Variants in TUSC3 observed in about 807,000 individuals in gnomAD.
TUSC3 encodes dolichyl-diphosphooligosaccharide--protein glycosyltransferase subunit TUSC3.
In TUSC3, 45 loss-of-function variants were observed where a neutral mutation model predicts 44.8. The observed-to-expected ratio is 1.00, with a 90% CI of 0.79 to 1.29. The LOEUF (loss-of-function observed/expected upper bound fraction) is 1.29. TUSC3 is among the 50% of genes most tolerant of loss of function. The pLI, the probability that TUSC3 is intolerant of heterozygous loss-of-function variation, is 0.00. For missense variants in TUSC3, 519 were observed against 437.9 expected (o/e 1.19, Z -1.65); for synonymous variants, 212 against 152.9 (o/e 1.39, Z -2.85).
intron 6 of TUSC3, among the ~76,000 whole-genome samples, chr8:15,710,082 T>C (rs932902302): frequency 2.0e-5 from 3 of 151,820 alleles, no homozygotes; most frequent in African/African-American, 4.8e-5. Flanking sequence ...TTTACCTTAG[T>C]GCGCTCCCCT....
intron 1 of TUSC3, among the ~76,000 whole-genome samples, chr8:15,570,638 A>G (rs1195631930): frequency 6.6e-6 from 1 of 152,122 alleles, no homozygotes; most frequent in Non-Finnish European, 1.5e-5. Context: ...TTTTACATGT[A>G]TTATTTCATT....
At chr8:15,783,044 A>G in the TUSC3 span, among the ~76,000 whole-genome samples, 15 of 152,346 alleles carry the variant, frequency 9.8e-5, no homozygotes, top group East Asian at 2.9e-3. Flanking sequence ...TACAAAAATC[A>G]CCATTTCCAT....
chr8:15,431,437 C>T (rs1799872870), intron 1 of TUSC3, among the ~76,000 whole-genome samples: 1 of 151,574 alleles, frequency 6.6e-6, no homozygotes, highest in African/African-American at 2.4e-5. Flanking sequence ...TTCGAATGCT[C>T]TTTAAATGGC....
At chr8:15,710,734 A>G (rs1415647042) in intron 6 of TUSC3, among the ~76,000 whole-genome samples, 1 of 151,400 alleles carries the variant, frequency 6.6e-6, no homozygotes, top group East Asian at 1.9e-4. Context: ...ATATAGGCAT[A>G]AAAATGCACA....
the TUSC3 span, among the ~76,000 whole-genome samples, chr8:15,837,217 TC>T: frequency 1.0e-5 from 1 of 95,336 alleles, no homozygotes; most frequent in Non-Finnish European, 3.0e-5. Context: ...AGGGATTATG[TC>T]TTTTTTTTTA....
At chr8:15,485,338 G>A (rs1394657955) in intron 2 of TUSC3, among the ~76,000 whole-genome samples, 1 of 151,956 alleles carries the variant, frequency 6.6e-6, no homozygotes, top group Non-Finnish European at 1.5e-5. Flanking sequence ...TTGTTTCTTT[G>A]CTGCATTTTT....
chr8:15,694,579 G>A (rs1895084), intron 6 of TUSC3, among the ~76,000 whole-genome samples: 3 of 152,030 alleles, frequency 2.0e-5, no homozygotes, highest in Admixed American at 1.3e-4. Flanking sequence ...TTCAGTCTTA[G>A]AAGTTGTCAT....
intron 1 of TUSC3, among the ~76,000 whole-genome samples, chr8:15,428,789 T>C (rs1799836493): frequency 3.3e-5 from 5 of 152,210 alleles, no homozygotes; most frequent in Admixed American, 6.5e-5. Context: ...TGTCTGTTCA[T>C]ATCCTTTGCC....
chr8:15,810,610 G>C, the TUSC3 span, among the ~76,000 whole-genome samples: 1 of 152,140 alleles, frequency 6.6e-6, no homozygotes, highest in South Asian at 2.1e-4. Flanking sequence ...TGCACTCTAG[G>C]CTGGGTAACA....
At chr8:15,546,818 G>A (rs980616816) in intron 1 of TUSC3, among the ~76,000 whole-genome samples, 4 of 151,690 alleles carry the variant, frequency 2.6e-5, no homozygotes, top group Non-Finnish European at 5.9e-5. Flanking sequence ...TTACAGGCAT[G>A]AGCCACTGCA....
chr8:15,468,419 A>G (rs1800442761), intron 1 of TUSC3, among the ~76,000 whole-genome samples: 1 of 152,186 alleles, frequency 6.6e-6, no homozygotes, highest in Non-Finnish European at 1.5e-5. Context: ...CACATTCAAC[A>G]TAGCCATGAG....
At chr8:15,746,071 G>C (rs1235730187) in intron 8 of TUSC3, among the ~76,000 whole-genome samples, 1 of 152,038 alleles carries the variant, frequency 6.6e-6, no homozygotes, top group Non-Finnish European at 1.5e-5. Context: ...AGATGGTTGA[G>C]AGTGTGCAGC....
intron 1 of TUSC3, among the ~76,000 whole-genome samples, chr8:15,563,556 C>A (rs1344723861): frequency 1.3e-5 from 2 of 151,778 alleles, no homozygotes; most frequent in Non-Finnish European, 2.9e-5. Flanking sequence ...TGTGGTGGCG[C>A]ATGCCTGTAA....
At position 15,634,575 on chromosome 8, in the gene TUSC3, C is replaced by T. The variant is rs895563506; in HGVS notation, c.308+11326C>T. On this transcript the variant is annotated intron_variant, in intron 2 of 10. Transcript: ENST00000503731. ...AAGAATGACAAAGTTTGTTCAGACC[C>T]CACTGGTTGAAGATGGCAGATCCAG... Among the ~76,000 whole-genome samples, 4 of 152,136 alleles carry T rather than the reference C, an allele frequency of 2.6e-5. No homozygotes were observed. In the East Asian group the frequency reaches 7.7e-4, roughly 29 times the overall value.
At chr8:15,621,982 C>G (rs1275484484) in intron 1 of TUSC3, among the ~76,000 whole-genome samples, 1 of 151,882 alleles carries the variant, frequency 6.6e-6, no homozygotes, top group Non-Finnish European at 1.5e-5. Context: ...AGTCTTTTAC[C>G]TTAACTCAGG....
At chr8:15,798,314 G>C in the TUSC3 span, among the ~76,000 whole-genome samples, 3 of 152,076 alleles carry the variant, frequency 2.0e-5, no homozygotes. Context: ...TTTCTTTCAC[G>C]GGTCTGCATA....
At chr8:15,821,969 C>T in the TUSC3 span, among the ~76,000 whole-genome samples, 1 of 152,074 alleles carries the variant, frequency 6.6e-6, no homozygotes, top group Non-Finnish European at 1.5e-5. Flanking sequence ...TGCACATCTC[C>T]AGGTAAAAGA....
At chr8:15,538,386 G>C (rs1233714393), upstream of TUSC3, among the ~76,000 whole-genome samples, 2 of 152,154 alleles carry the variant, frequency 1.3e-5, no homozygotes, top group Non-Finnish European at 1.5e-5. Flanking sequence ...TGATAATTCA[G>C]GCAAAATGTT....
At chr8:15,636,866 A>C (rs979327037) in intron 2 of TUSC3, among the ~76,000 whole-genome samples, 2 of 152,274 alleles carry the variant, frequency 1.3e-5, no homozygotes, top group Middle Eastern at 3.4e-3. Context: ...TGCTGGGGAA[A>C]TTGAGTGTTT....
Sources: allele counts gnomAD v4.1 joint callset (sites outside exome capture counted in the v4.1 genomes callset), GRCh38; gene constraint gnomAD v4.1.1; transcripts MANE v1.5; gene names NCBI Gene and HGNC (gene_info 2026-07-23, HGNC 2026-07-21).